Variants in DNAJC5B observed in about 807,000 individuals in gnomAD.
The protein encoded by DNAJC5B is DnaJ heat shock protein family (Hsp40) member C5 beta, also known as dnaJ homolog subfamily C member 5B.
In DNAJC5B, 23 loss-of-function variants were observed where a neutral mutation model predicts 24.7. The observed-to-expected ratio is 0.93, with a 90% CI of 0.67 to 1.32. The LOEUF is 1.32. DNAJC5B is among the 40% of genes most tolerant of loss of function. DNAJC5B has a pLI of 0.00. For missense variants in DNAJC5B, 238 were observed against 240.8 expected (o/e 0.99, Z 0.08); for synonymous variants, 101 against 90.1 (o/e 1.12, Z -0.68).
At chr8:66,042,619 T>TCTC (rs1457020887) in intron 1 of DNAJC5B, among the ~76,000 whole-genome samples, 25 of 147,670 alleles carry the variant, frequency 1.7e-4, no homozygotes, top group African/African-American at 6.2e-4. Flanking sequence ...TTCTTCTTCT[T>TCTC]CTTCTCCTTC....
intron 3 of DNAJC5B, among the ~76,000 whole-genome samples, chr8:66,069,462 A>G (rs1459356653): frequency 6.6e-6 from 1 of 152,174 alleles, no homozygotes; most frequent in Non-Finnish European, 1.5e-5. Context: ...ATAAGGAGCG[A>G]TACTTCATAA....
At chr8:66,052,967 G>A (rs1375609846) in intron 3 of DNAJC5B, among the ~76,000 whole-genome samples, 3 of 152,124 alleles carry the variant, frequency 2.0e-5, no homozygotes, top group Non-Finnish European at 4.4e-5. Context: ...CCAGGCTGGA[G>A]TGCAGTGGTC....
chr8:66,029,895 C>G (rs187830009), intron 1 of DNAJC5B, among the ~76,000 whole-genome samples: 103 of 152,266 alleles, frequency 6.8e-4, no homozygotes, highest in Admixed American at 3.1e-3. Context: ...GAGAGCCCCT[C>G]AGACATTTGC....
At chr8:66,062,346 C>G (rs1170740138) in intron 3 of DNAJC5B, among the ~76,000 whole-genome samples, 1 of 152,284 alleles carries the variant, frequency 6.6e-6, no homozygotes, top group East Asian at 1.9e-4. Flanking sequence ...TAGCTTCCAT[C>G]TGGGATCCAG....
At chr8:66,086,748 C>T (rs1475634147) in intron 5 of DNAJC5B, among the ~76,000 whole-genome samples, 1 of 152,060 alleles carries the variant, frequency 6.6e-6, no homozygotes, top group East Asian at 1.9e-4. Context: ...TTATATTGTA[C>T]TTGGAGATTT....
chr8:66,044,291 C>A (rs540037410), intron 2 of DNAJC5B, among the ~76,000 whole-genome samples: 2 of 152,090 alleles, frequency 1.3e-5, no homozygotes, highest in African/African-American at 4.8e-5. Flanking sequence ...AATGACAAAG[C>A]AGCAAAACTT....
chr8:66,080,527 A>G lies in DNAJC5B; in HGVS notation c.484A>G (p.Ile162Val). 4 of 1,611,350 alleles carry G rather than the reference A, an allele frequency of 2.5e-6. No individual in the cohort carries two copies. Among genetic ancestry groups the G allele is most frequent in the Non-Finnish European group, 3.4e-6 (4 of 1,178,636 alleles). ...GTCCCCAGAGGATCTGGAGGAGCAG[A>G]TCAAGTCTGACATGGAAAAAGGTGG... ...YVSPEDLEEQ[I>V]KSDMEKDVDF... Residue 162 changes from isoleucine to valine, a missense_variant, in exon 5 of 6, where the codon ATC becomes GTC. By Grantham distance (29) the Ile-to-Val change is conservative. Transcript: ENST00000276570.
chr8:66,038,655 G>T (rs1171157692), intron 1 of DNAJC5B, among the ~76,000 whole-genome samples: 6 of 152,254 alleles, frequency 3.9e-5, no homozygotes, highest in East Asian at 3.9e-4. Context: ...CCTGAGCAGG[G>T]AATACCATCC....
intron 4 of DNAJC5B, among the ~76,000 whole-genome samples, chr8:66,078,993 G>T (rs1305665524): frequency 6.6e-6 from 1 of 152,152 alleles, no homozygotes; most frequent in Non-Finnish European, 1.5e-5. Flanking sequence ...TCAATTAAAG[G>T]TGTATAAACC....
chr8:66,016,977 G>A (rs1397097949), upstream of DNAJC5B, among the ~76,000 whole-genome samples: 2 of 152,008 alleles, frequency 1.3e-5, no homozygotes, highest in Non-Finnish European at 2.9e-5. Context: ...AATGTATCAC[G>A]AAGTCAAATA....
chr8:66,034,225 C>T (rs1008270051), intron 1 of DNAJC5B, among the ~76,000 whole-genome samples: 1 of 122,120 alleles, frequency 8.2e-6, no homozygotes, highest in Non-Finnish European at 1.7e-5. Context: ...GTGGGAATGT[C>T]TTTTGCTGGA....
At chr8:66,031,453 C>G (rs180817144) in intron 1 of DNAJC5B, among the ~76,000 whole-genome samples, 2 of 152,170 alleles carry the variant, frequency 1.3e-5, no homozygotes, top group African/African-American at 4.8e-5. Flanking sequence ...TAAAAGCAAC[C>G]TATTTTTTTT....
At chr8:66,038,648 G>A (rs1297549760) in intron 1 of DNAJC5B, among the ~76,000 whole-genome samples, 1 of 152,164 alleles carries the variant, frequency 6.6e-6, no homozygotes, top group Non-Finnish European at 1.5e-5. Flanking sequence ...CTTTTGTCCT[G>A]AGCAGGGAAT....
chr8:66,087,990 T>G (rs1202149783), intron 5 of DNAJC5B, among the ~76,000 whole-genome samples: 1 of 152,184 alleles, frequency 6.6e-6, no homozygotes, highest in Non-Finnish European at 1.5e-5. Flanking sequence ...AGGGACTGTG[T>G]GTGGGGGCTC....
At chr8:66,057,842 G>A (rs951788651) in intron 3 of DNAJC5B, 1 of 152,204 alleles carries the variant, frequency 6.6e-6, no homozygotes, top group Non-Finnish European at 1.5e-5. Flanking sequence ...TTTCACGAGT[G>A]AATGGGGAAA....
At position 66,035,143 on chromosome 8, in the gene DNAJC5B, A is replaced by G. The variant is rs140612868; in HGVS notation, c.-141-8345A>G. On this transcript the variant is annotated intron_variant, in intron 1 of 5. Coordinates refer to ENST00000276570, the MANE Select transcript of DNAJC5B (RefSeq NM_033105.6). ...GTTGATAGCTTGAAATAGGCCTCGA[A>G]GGGAAATCAGCAAACATTACAAACC... is the stretch of plus-strand genomic sequence containing the variant. 5.5e-3 allele frequency among the ~76,000 whole-genome samples: 832 copies of G among 152,348 alleles called. 4 individuals carry two copies. Among genetic ancestry groups the G allele is most frequent in the Non-Finnish European group, 8.6e-3 (586 of 68,034 alleles).
At chr8:66,079,028 T>C (rs1563607192) in intron 4 of DNAJC5B, among the ~76,000 whole-genome samples, 1 of 152,220 alleles carries the variant, frequency 6.6e-6, no homozygotes, top group Non-Finnish European at 1.5e-5. Flanking sequence ...TCAAATTACA[T>C]ATTTTTGATA....
At chr8:66,085,063 T>C (rs938782101) in intron 5 of DNAJC5B, among the ~76,000 whole-genome samples, 1 of 152,194 alleles carries the variant, frequency 6.6e-6, no homozygotes, top group African/African-American at 2.4e-5. Context: ...AGACCATTTG[T>C]TGAAAATGTT....
At chr8:66,069,771 G>A (rs910213064) in intron 3 of DNAJC5B, among the ~76,000 whole-genome samples, 4 of 152,222 alleles carry the variant, frequency 2.6e-5, no homozygotes, top group Non-Finnish European at 5.9e-5. Context: ...GAAAATTTCA[G>A]GCCAATATCC....
Sources: gnomAD v4.1 joint callset for allele counts (sites outside exome capture counted in the v4.1 genomes callset) on GRCh38, gnomAD v4.1.1 for gene constraint, MANE v1.5 for transcripts, NCBI Gene and HGNC (gene_info 2026-07-23, HGNC 2026-07-21) for gene names.